TTN: variants seen among roughly 807,000 people sequenced by gnomAD.
TTN encodes the protein titin.
Under a neutral mutation model 3,223.0 loss-of-function variants are expected in TTN, and 1,525 were observed. The observed-to-expected ratio is 0.47, with a 90% confidence interval of 0.45 to 0.49. The LOEUF is 0.49. TTN is among the 20% of genes least tolerant of loss of function. The probability of loss-of-function intolerance (pLI) is 0.00; values close to 1 mark genes in which losing one functional copy is unlikely to be tolerated. For synonymous variants in TTN, 14,094 were observed against 15,161.0 expected (o/e 0.93, Z 5.17); for missense variants, 40,786 against 43,424.0 (o/e 0.94, Z 5.40).
At chr2:178,758,670 C>A in intron 44 of TTN, 1 of 340,986 alleles carries the variant, frequency 2.9e-6, no homozygotes, top group Non-Finnish European at 5.5e-6. Context: ...ACAAATCTAC[C>A]TATTTATGCA....
Position 178,731,437 on chromosome 2 carries a change from T to C in TTN, c.17329A>G (p.Arg5777Gly). 1 of 1,613,810 alleles carries C rather than the reference T, an allele frequency of 6.2e-7. No homozygotes were observed. Among genetic ancestry groups the C allele is most frequent in the South Asian group, 1.1e-5 (1 of 91,080 alleles). ...SDEITEDDNI[R>G]MTFENNVASL... ...GCCACATTGTTCTCAAAGGTCATTCTTATATTATCGTCTTCAGTGATTTCA... is the reference window on the plus strand; with the variant it reads ...GCCACATTGTTCTCAAAGGTCATTCCTATATTATCGTCTTCAGTGATTTCA... Residue 5777 changes from arginine to glycine, a missense_variant, in exon 59 of 363, where the codon AGA (arginine) becomes GGA (glycine). Arg to Gly is a moderately radical substitution (Grantham distance 125). Coordinates refer to ENST00000589042, the MANE Select transcript of TTN (RefSeq NM_001267550.2).
chr2:178,758,938 A>AT, intron 44 of TTN, 46 bp downstream of exon 44: 3 of 1,556,810 alleles, frequency 1.9e-6, no homozygotes, highest in Non-Finnish European at 2.7e-6. Flanking sequence ...CATTGTTAAG[A>AT]TTCGATCTAT....
rs879035461 is a variant in TTN, at chr2:178,713,085, C to T, written c.27049G>A (p.Glu9017Lys). 4.3e-6 allele frequency: 7 copies of T among 1,611,452 alleles called. No individual in the cohort carries two copies. Among genetic ancestry groups the T allele is most frequent in the Non-Finnish European group, 5.9e-6 (7 of 1,177,988 alleles). The change falls in exon 93 of 363, where the codon GAA (glutamate) becomes AAA (lysine). Residue 9017 changes from glutamate to lysine, a missense_variant and splice_region_variant. Transcript: ENST00000589042. ...TCATTTTACTGTTTTGTAAACTGAC[C>T]TCTCACAGTCAAAGGAGCACTACAT... is the stretch of plus-strand genomic sequence containing the variant. The part of the protein sequence containing the change: ...DECSAPLTVR[E>K]PPSFVQKPDP...
At position 178,753,127 on chromosome 2, in the gene TTN, T is replaced by C. The variant is rs1379561393; in HGVS notation, c.11308A>G (p.Lys3770Glu). 2.5e-6 allele frequency: 4 copies of C among 1,608,852 alleles called. No homozygotes were observed. The highest frequency in any genetic ancestry group is 3.4e-6 in the Non-Finnish European group (4 of 1,176,948). The change falls in exon 47 of 363, where the codon AAA becomes GAA. Residue 3770 changes from lysine to glutamate, a missense_variant. Physicochemically the swap from Lys to Glu is moderately conservative, Grantham distance 56. Transcript: ENST00000589042. Reference protein sequence around the residue: ...RIEQEIEMEMKEFSSSFLSAE... With the variant: ...RIEQEIEMEMEEFSSSFLSAE... ...CTCACATCCATTATAACAATACCTT[T>C]CATTTCCATCTCAATCTCTTGTTCA...
chr2:178,587,487 T>G (rs755971981), intron 306 of TTN, 29 bp downstream of exon 306: 1 of 1,603,404 alleles, frequency 6.2e-7, no homozygotes, highest in East Asian at 2.3e-5. Flanking sequence ...ATTTTTGAAG[T>G]GGGAGGGAGA....
At chr2:178,792,581 C>A (rs1450788024) in intron 9 of TTN, among the ~76,000 whole-genome samples, 2 of 152,118 alleles carry the variant, frequency 1.3e-5, no homozygotes, top group Non-Finnish European at 2.9e-5. Flanking sequence ...TTTGTCTGAT[C>A]TTTTTATTTT....
chr2:178,547,794 TGTCCTTTACA>T lies in TTN; in HGVS notation c.93822_93831del (p.Val31275AlafsTer2). ...TATCTTCCAGAGTCACCTCTCATGC[TGTCCTTTACA>T]GTCAGTGTGGTTCTGTCTTTTGTTG... On this transcript the variant is annotated frameshift_variant, in exon 339 of 363. Coordinates refer to ENST00000589042, the MANE Select transcript of TTN (RefSeq NM_001267550.2). LOFTEE classifies it high-confidence loss of function. 1 of 1,613,956 alleles carries T rather than the reference TGTCCTTTACA, an allele frequency of 6.2e-7. No individual in the cohort carries two copies. The highest frequency in any genetic ancestry group is 8.5e-7 in the Non-Finnish European group (1 of 1,179,852).
chr2:178,731,268 T>G, intron 59 of TTN, 37 bp downstream of exon 59: 1 of 1,611,410 alleles, frequency 6.2e-7, no homozygotes, highest in Non-Finnish European at 8.5e-7. Flanking sequence ...ACATCTGCAT[T>G]TCTTCCTCAA....
At chr2:178,698,447 C>T (rs989700803) in intron 112 of TTN, among the ~76,000 whole-genome samples, 4 of 152,086 alleles carry the variant, frequency 2.6e-5, no homozygotes, top group South Asian at 2.1e-4. Context: ...TTTAATTATT[C>T]CATATTGTAT....
chr2:178,611,295 CA>C, intron 269 of TTN, 24 bp from the exon 270 acceptor site: 5 of 1,606,784 alleles, frequency 3.1e-6, no homozygotes, highest in Non-Finnish European at 4.2e-6. Flanking sequence ...TTCAAAAGAG[CA>C]AAAAACAGAG....
At chr2:178,621,071 CAAAA>C (rs771791591) in intron 246 of TTN, 27 bp downstream of exon 246, 29 of 1,606,954 alleles carry the variant, frequency 1.8e-5, no homozygotes, top group Middle Eastern at 3.3e-4. Flanking sequence ...AACAAACAAA[CAAAA>C]AACCCTAAAA....
intron 308 of TTN, among the ~76,000 whole-genome samples, 191 bp from the exon 309 acceptor site, chr2:178,585,538 C>T (rs1427103141): frequency 6.6e-6 from 1 of 151,984 alleles, no homozygotes; most frequent in Non-Finnish European, 1.5e-5. Flanking sequence ...TGATTTGCTG[C>T]ACCCATCAAC....
intron 311 of TTN, among the ~76,000 whole-genome samples, 172 bp downstream of exon 311, chr2:178,584,104 T>C (rs2048376666): frequency 6.6e-6 from 1 of 152,060 alleles, no homozygotes; most frequent in Non-Finnish European, 1.5e-5. Flanking sequence ...CTTTTCTTTT[T>C]TTAATATGTC....
Position 178,558,009 on chromosome 2 carries a change from A to G in TTN, c.87345T>C (p.Tyr29115=), listed in dbSNP as rs369444690. The change falls in exon 328 of 363, where the codon TAT becomes TAC. Residue 29115 remains tyrosine (Y), a synonymous_variant. Transcript: ENST00000589042. The part of the protein sequence containing the change: ...KESVTADAGR[Y]EITAANSSGT... ...CACTGGAGTTGGCAGCAGTGATTTC[A>G]TATCTCCCAGCGTCAGCTGTAACAC... is the stretch of plus-strand genomic sequence containing the variant. 14 of 1,613,672 alleles carry G rather than the reference A, an allele frequency of 8.7e-6. No individual in the cohort carries two copies. The highest frequency in any genetic ancestry group is 1.1e-5 in the Non-Finnish European group (13 of 1,179,838).
At position 178,562,314 on chromosome 2, in the gene TTN, T is replaced by C; in HGVS notation, c.83818A>G (p.Asn27940Asp). 6.2e-7 allele frequency: 1 copy of C among 1,613,292 alleles called. No individual in the cohort carries two copies. The highest frequency in any genetic ancestry group is 1.1e-5 in the South Asian group (1 of 90,960). ...EEYVFRVAAVNEKGRSDPRQL... is the reference protein window; with the variant it reads ...EEYVFRVAAVDEKGRSDPRQL... ...CTTGGATCACTTCTTCCCTTTTCGT[T>C]AACTGCAGCTACCCTGAAGACATAC... is the stretch of plus-strand genomic sequence containing the variant. The change falls in exon 326 of 363, where the codon AAC (asparagine) becomes GAC (aspartate). Residue 27940 changes from asparagine to aspartate, a missense_variant. Transcript: ENST00000589042.
chr2:178,794,269 C>T, intron 8 of TTN, 130 bp downstream of exon 8: 1 of 1,400,440 alleles, frequency 7.1e-7, no homozygotes, highest in Non-Finnish European at 1.0e-6. Context: ...AGTCTGGGCC[C>T]TGCTGGGCTC....
chr2:178,616,117 G>A (rs2057290005), intron 257 of TTN, among the ~76,000 whole-genome samples: 2 of 151,934 alleles, frequency 1.3e-5, no homozygotes, highest in African/African-American at 4.8e-5. Flanking sequence ...GGCTGATTAG[G>A]TCAACTAAGG....
chr2:178,734,472 T>C lies in TTN; in HGVS notation c.15352A>G (p.Ser5118Gly), dbSNP rs747924639. 2 of 1,613,820 alleles carry C rather than the reference T, an allele frequency of 1.2e-6. No homozygotes were observed. The highest frequency in any genetic ancestry group is 2.2e-5 in the South Asian group (2 of 91,056). ...WFKDKKQIRS[S>G]KKYRLFSQKS... ...TGAGAAAACAATCTGTATTTTTTAC[T>C]ACTTCGAATTTGTTTCTTGTCTTTG... Residue 5118 changes from serine (S) to glycine (G), a missense_variant, in exon 52 of 363, where the codon AGT (serine) becomes GGT (glycine). Transcript: ENST00000589042.
In TTN at chr2:178,621,546, T is replaced by G. The variant is rs1275555058; in HGVS notation, c.45278A>C (p.His15093Pro). The change falls in exon 245 of 363, where the codon CAC becomes CCC. Residue 15093 changes from histidine (H) to proline (P), a missense_variant. Physicochemically the swap from His to Pro is moderately conservative, Grantham distance 77. Transcript: ENST00000589042. The part of the protein sequence containing the change: ...RKRILVIQNA[H>P]LEDAGNYNCR... ...GTTGTAGTTGCCAGCATCCTCAAGG[T>G]GAGCGTTCTGAATGACCAGGATTCT... The G allele has an allele frequency of 6.2e-7, 1 of 1,612,462 alleles. No individual in the cohort carries two copies. The highest frequency in any genetic ancestry group is 2.2e-5 in the East Asian group (1 of 44,658).
Sources: gnomAD v4.1 joint callset for allele counts (sites outside exome capture counted in the v4.1 genomes callset) on GRCh38, gnomAD v4.1.1 for gene constraint, MANE v1.5 for transcripts, NCBI Gene and HGNC (gene_info 2026-07-23, HGNC 2026-07-21) for gene names.